TRAPPC2L: variants seen among roughly 807,000 people sequenced by gnomAD.
TRAPPC2L encodes the protein trafficking protein particle complex subunit 2-like protein.
A neutral mutation model predicts 13.2 loss-of-function variants in TRAPPC2L; 17 were observed. That is an observed-to-expected ratio of 1.29 (90% CI 0.88 to 1.93). The LOEUF is 1.93. Ranked by LOEUF, TRAPPC2L falls within the 30% of genes most tolerant of loss-of-function variation. The pLI is 0.00. For synonymous variants in TRAPPC2L, 150 were observed against 98.1 expected (o/e 1.53, Z -3.12); for missense variants, 359 against 252.1 (o/e 1.42, Z -2.87).
chr16:88,856,495 G>C (rs772775448), upstream of TRAPPC2L: 8 of 699,072 alleles, frequency 1.1e-5, no homozygotes, highest in Middle Eastern at 3.0e-4. Flanking sequence ...CAGTGGCAGC[G>C]CGTGTGGTGA....
chr16:88,856,441 G>A, upstream of TRAPPC2L: 1 of 700,632 alleles, frequency 1.4e-6, no homozygotes, highest in Non-Finnish European at 2.6e-6. Flanking sequence ...GTAGCACGCC[G>A]GCCACCCACC....
At chr16:88,857,728 A>G (rs1431355098) in intron 1 of TRAPPC2L, among the ~76,000 whole-genome samples, 7 of 152,216 alleles carry the variant, frequency 4.6e-5, no homozygotes, top group African/African-American at 1.2e-4. Context: ...AGCTCCCTGG[A>G]CATGCTCTGC....
exon 4 of TRAPPC2L, chr16:88,860,303 A>C (rs970555471): frequency 5.7e-6 from 4 of 696,712 alleles, no homozygotes; most frequent in Non-Finnish European, 1.0e-5. Context: ...CAGGGATCAC[A>C]CGTCCTTTTG....
In TRAPPC2L at chr16:88,858,986, G is replaced by A. The variant is rs191084396; in HGVS notation, c.206+195G>A. 1,840 of 614,870 alleles carry A rather than the reference G, an allele frequency of 3.0e-3. 50 individuals are homozygous for A. In the Admixed American group the frequency reaches 0.047, roughly 16 times the overall value. 38.1% of individuals were successfully genotyped at this position (614,870 alleles called of 1,614,324 possible). ...GGAAGAGCCATTTGGGAAAAGCAAG[G>A]CTAGAATTCCCCGTAGAATGTTTTG... is the stretch of plus-strand genomic sequence containing the variant. On this transcript the variant is annotated intron_variant, in intron 2 of 3. Coordinates refer to ENST00000565504, the Ensembl canonical transcript of TRAPPC2L.
intron 1 of TRAPPC2L, 61 bp downstream of exon 1, chr16:88,857,244 C>G: frequency 7.1e-7 from 1 of 1,407,294 alleles, no homozygotes; most frequent in Non-Finnish European, 9.5e-7. Context: ...CGCTTTCTTT[C>G]TACTTCTTCC....
rs375117328 is a variant in TRAPPC2L, at chr16:88,857,202, G to A, written c.33+19G>A. ...CAAGGAGGTGCGTACGCGCGGCGTG[G>A]GGCGTCCGGGCTCGCACCATCCTCG... On this transcript the variant is annotated intron_variant, in intron 1 of 3. Transcript: ENST00000565504. 601 of 1,555,570 alleles carry A rather than the reference G, an allele frequency of 3.9e-4. 3 individuals carry two copies. In the African/African-American group the frequency reaches 7.5e-3, roughly 19 times the overall value.
chr16:88,859,934 C>T (rs765662655), exon 4 of TRAPPC2L: 7 of 1,613,320 alleles, frequency 4.3e-6, no homozygotes, highest in Admixed American at 1.7e-5. Context: ...ACGTGATGTG[C>T]AACCCCTTCT....
exon 4 of TRAPPC2L, chr16:88,862,443 C>T (rs939367661): frequency 2.0e-5 from 3 of 152,402 alleles, no homozygotes; most frequent in African/African-American, 4.8e-5. Flanking sequence ...TCCCCTTTGC[C>T]TTCTTCCTGC....
intron 1 of TRAPPC2L, 137 bp from the exon 2 acceptor site, chr16:88,858,482 A>G: frequency 1.2e-6 from 1 of 850,768 alleles, no homozygotes; most frequent in Non-Finnish European, 1.8e-6. Flanking sequence ...TGCGGCATAG[A>G]GAATGAAGCG....
At chr16:88,856,936 G>A (rs1025700550), upstream of TRAPPC2L, 5 of 1,466,216 alleles carry the variant, frequency 3.4e-6, no homozygotes, top group Admixed American at 7.5e-5. Flanking sequence ...GCGTCCGCCG[G>A]CCCTTCCGGC....
chr16:88,858,910 G>A (rs1968181724), intron 2 of TRAPPC2L, 119 bp downstream of exon 2: 7 of 1,125,194 alleles, frequency 6.2e-6, no homozygotes, highest in Non-Finnish European at 7.5e-6. Context: ...GCCAGCCAGG[G>A]AATTAGGGTA....
upstream of TRAPPC2L, chr16:88,856,591 CCCTCCCCCTCCTCCTCCCCGCGCGGGG>C: frequency 2.2e-6 from 1 of 449,412 alleles, no homozygotes; most frequent in Non-Finnish European, 4.4e-6. Context: ...ACCCCCCGTC[CCCTCCCCCTCCTCCTCCCCGCGCGGGG>C]CCTCCCCCCT....
chr16:88,860,023 T>A lies in TRAPPC2L; in HGVS notation c.425T>A (p.Leu142Ter), dbSNP rs1229035491. ...CACCTTCTTTCTGTAGGACATGCCT[T>A]GCCATTTTGGTTGCCAAAATGCAAC... The change falls in exon 4 of 4, where the codon TTG (leucine) becomes TAG (stop). Residue 142 changes from leucine (L) to a stop codon, truncating the protein, a stop_gained. Transcript: ENST00000565504. LOFTEE classifies it low-confidence loss of function (END_TRUNC). The A allele has an allele frequency of 6.3e-7, 1 of 1,581,738 alleles. No homozygotes were observed. Among genetic ancestry groups the A allele is most frequent in the Non-Finnish European group, 8.7e-7 (1 of 1,151,168 alleles).
exon 4 of TRAPPC2L, chr16:88,860,442 C>A (rs1968306784): frequency 5.0e-6 from 3 of 605,282 alleles, no homozygotes; most frequent in Non-Finnish European, 8.8e-6. Context: ...GGTCCATGCC[C>A]ACATTCCAGA....
exon 4 of TRAPPC2L, chr16:88,860,720 T>C: frequency 3.1e-6 from 2 of 642,066 alleles, no homozygotes; most frequent in Non-Finnish European, 5.5e-6. Context: ...CACAGGGAAC[T>C]TGGAGGCAGC....
intron 2 of TRAPPC2L, chr16:88,859,186 C>G: frequency 2.1e-6 from 1 of 475,138 alleles, no homozygotes; most frequent in South Asian, 1.7e-5. Flanking sequence ...CGTCTAGTCC[C>G]TTGGGACAAA....
exon 4 of TRAPPC2L, chr16:88,861,102 T>C: frequency 1.3e-6 from 1 of 752,764 alleles, no homozygotes; most frequent in South Asian, 1.7e-5. Flanking sequence ...ACTAAAGGTC[T>C]TGTGAGAGGA....
chr16:88,856,831 A>G, upstream of TRAPPC2L: 3 of 1,523,376 alleles, frequency 2.0e-6, no homozygotes, highest in African/African-American at 1.4e-5. Flanking sequence ...GGCGCTGAGC[A>G]CCAGCAACAG....
upstream of TRAPPC2L, chr16:88,856,533 G>A (rs1194161676): frequency 1.4e-6 from 1 of 696,484 alleles, no homozygotes; most frequent in Non-Finnish European, 2.6e-6. Flanking sequence ...CCCACGCCTG[G>A]ACCCCGCGGC....
Sources: allele counts gnomAD v4.1 joint callset (sites outside exome capture counted in the v4.1 genomes callset), GRCh38; gene constraint gnomAD v4.1.1; transcripts MANE v1.5; gene names NCBI Gene and HGNC (gene_info 2026-07-23, HGNC 2026-07-21).